The following CATSPERT variants were observed in gnomAD, a reference collection of about 807,000 sequenced individuals.
CATSPERT encodes cation channel sperm-associated targeting subunit tau.
chr2:201,616,437 A>T, the CATSPERT span, among the ~76,000 whole-genome samples: 1 of 152,244 alleles, frequency 6.6e-6, no homozygotes, highest in African/African-American at 2.4e-5. Flanking sequence ...CAGCATATAA[A>T]CAGAACCAAA....
At chr2:201,489,225 C>A in the CATSPERT span, among the ~76,000 whole-genome samples, 1 of 152,164 alleles carries the variant, frequency 6.6e-6, no homozygotes, top group South Asian at 2.1e-4. Flanking sequence ...ATCTCCCTTG[C>A]CTGCTCTTAG....
the CATSPERT span, among the ~76,000 whole-genome samples, chr2:201,592,500 T>C: frequency 6.6e-6 from 1 of 151,344 alleles, no homozygotes; most frequent in African/African-American, 2.4e-5. Context: ...CCTCATAAAA[T>C]GAGTTAGGGA....
At chr2:201,583,879 T>C in the CATSPERT span, among the ~76,000 whole-genome samples, 1 of 152,200 alleles carries the variant, frequency 6.6e-6, no homozygotes, top group Non-Finnish European at 1.5e-5. Flanking sequence ...ACTGAAAATA[T>C]ACTCCTGGCA....
At chr2:201,594,829 T>C in the CATSPERT span, among the ~76,000 whole-genome samples, 25 of 152,356 alleles carry the variant, frequency 1.6e-4, no homozygotes, top group Non-Finnish European at 2.4e-4. Context: ...TTCAGCTCCA[T>C]CAGCTCCTTT....
chr2:201,503,033 C>G, the CATSPERT span, among the ~76,000 whole-genome samples: 4 of 151,916 alleles, frequency 2.6e-5, no homozygotes, highest in African/African-American at 9.7e-5. Flanking sequence ...TTTTTTATCT[C>G]TAAAAATTCC....
chr2:201,591,812 T>C, the CATSPERT span, among the ~76,000 whole-genome samples: 102 of 152,192 alleles, frequency 6.7e-4, no homozygotes, highest in African/African-American at 2.3e-3. Flanking sequence ...ATAAGAATGC[T>C]TGCGATTTTT....
At chr2:201,559,478 T>C in the CATSPERT span, among the ~76,000 whole-genome samples, 1 of 152,208 alleles carries the variant, frequency 6.6e-6, no homozygotes, top group South Asian at 2.1e-4. Flanking sequence ...TGAACAGCTG[T>C]GTGCCCACAT....
the CATSPERT span, among the ~76,000 whole-genome samples, chr2:201,510,814 A>G: frequency 6.6e-6 from 1 of 152,226 alleles, no homozygotes; most frequent in Non-Finnish European, 1.5e-5. Context: ...GACCTTCTAA[A>G]CAAGATATAA....
At chr2:201,539,387 T>C in the CATSPERT span, among the ~76,000 whole-genome samples, 2 of 152,180 alleles carry the variant, frequency 1.3e-5, no homozygotes, top group Admixed American at 6.5e-5. Flanking sequence ...TATCTCATTA[T>C]GGTTTTGATT....
At chr2:201,548,522 CTA>C in the CATSPERT span, among the ~76,000 whole-genome samples, 1 of 151,706 alleles carries the variant, frequency 6.6e-6, no homozygotes, top group Non-Finnish European at 1.5e-5. Context: ...GTCCATAACA[CTA>C]TATATATATA....
the CATSPERT span, among the ~76,000 whole-genome samples, chr2:201,605,450 AAG>A: frequency 1.3e-5 from 2 of 152,172 alleles, no homozygotes; most frequent in African/African-American, 2.4e-5. Context: ...AGAAGGATAT[AAG>A]AGGGGAAAAT....
chr2:201,533,891 T>C, the CATSPERT span, among the ~76,000 whole-genome samples: 1 of 152,096 alleles, frequency 6.6e-6, no homozygotes, highest in Non-Finnish European at 1.5e-5. Context: ...ACCTGAAGGT[T>C]CTGTTTTTGT....
At chr2:201,509,703 G>A in the CATSPERT span, among the ~76,000 whole-genome samples, 5 of 150,830 alleles carry the variant, frequency 3.3e-5, no homozygotes, top group Non-Finnish European at 7.4e-5. Flanking sequence ...TTATTTTCAT[G>A]CTTAGAAATT....
the CATSPERT span, among the ~76,000 whole-genome samples, chr2:201,534,000 G>A: frequency 6.6e-6 from 1 of 151,784 alleles, no homozygotes; most frequent in Non-Finnish European, 1.5e-5. Flanking sequence ...AGAAGGAGAA[G>A]GATAATTCCC....
chr2:201,493,560 G>T, the CATSPERT span: 1 of 1,536,886 alleles, frequency 6.5e-7, no homozygotes, highest in Non-Finnish European at 8.7e-7. Flanking sequence ...GTATTATCTG[G>T]CTTGTAGCAG....
chr2:201,492,412 G>T, the CATSPERT span: 139 of 1,532,776 alleles, frequency 9.1e-5, no homozygotes, highest in East Asian at 3.3e-3. Flanking sequence ...TTCATTTTCT[G>T]ATAAAGCTAT....
chr2:201,596,896 C>T, the CATSPERT span, among the ~76,000 whole-genome samples: 6 of 152,182 alleles, frequency 3.9e-5, no homozygotes, highest in Non-Finnish European at 5.9e-5. Flanking sequence ...CACGTTGATA[C>T]GTTTATGACA....
the CATSPERT span, among the ~76,000 whole-genome samples, chr2:201,584,076 C>T: frequency 6.6e-6 from 1 of 151,874 alleles, no homozygotes; most frequent in African/African-American, 2.4e-5. Context: ...ATTGCTTCAG[C>T]CCAGGAGTTT....
the CATSPERT span, chr2:201,492,138 C>T: frequency 2.0e-5 from 31 of 1,526,334 alleles, no homozygotes; most frequent in Non-Finnish European, 2.6e-5. Context: ...TAAGTTTATC[C>T]TCAGAAACCG....
Sources: allele counts gnomAD v4.1 joint callset (sites outside exome capture counted in the v4.1 genomes callset), GRCh38; gene constraint gnomAD v4.1.1; transcripts MANE v1.5; gene names NCBI Gene and HGNC (gene_info 2026-07-23, HGNC 2026-07-21).